FBXL7: variants seen among roughly 807,000 people sequenced by gnomAD.
FBXL7 encodes the protein F-box and leucine rich repeat protein 7, also known as F-box/LRR-repeat protein 7.
FBXL7 carries 12 observed loss-of-function variants against 38.3 expected under a neutral mutation model. The observed-to-expected ratio is 0.31, with a 90% CI of 0.20 to 0.51. The LOEUF is 0.51. Among genes scored for constraint, FBXL7 ranks in the 20% least tolerant of loss-of-function variants. The probability of loss-of-function intolerance (pLI) is 0.98; values close to 1 mark genes in which losing one functional copy is unlikely to be tolerated. For missense variants in FBXL7, 567 were observed against 676.4 expected (o/e 0.84, Z 1.79); for synonymous variants, 297 against 300.9 (o/e 0.99, Z 0.13).
intron 2 of FBXL7, among the ~76,000 whole-genome samples, chr5:15,792,089 G>A (rs952549530): frequency 3.9e-5 from 6 of 152,166 alleles, no homozygotes; most frequent in African/African-American, 7.2e-5. Context: ...GTGATGTTAT[G>A]ATAATGACCA....
At chr5:15,707,417 A>G (rs550780134) in intron 2 of FBXL7, among the ~76,000 whole-genome samples, 1 of 151,872 alleles carries the variant, frequency 6.6e-6, no homozygotes, top group Admixed American at 6.6e-5. Flanking sequence ...AAAGACCCCA[A>G]ATTTTTAAAC....
intron 2 of FBXL7, among the ~76,000 whole-genome samples, chr5:15,795,591 C>G (rs1737394747): frequency 6.6e-6 from 1 of 152,020 alleles, no homozygotes; most frequent in Non-Finnish European, 1.5e-5. Context: ...GAGAAAAAAG[C>G]CTTCTTTAAG....
intron 1 of FBXL7, among the ~76,000 whole-genome samples, chr5:15,592,305 C>T (rs972073850): frequency 5.3e-5 from 8 of 152,052 alleles, no homozygotes; most frequent in African/African-American, 1.7e-4. Context: ...GGAACAGCAG[C>T]AGCATGGAGA....
chr5:15,667,500 G>A (rs1475287056), intron 2 of FBXL7, among the ~76,000 whole-genome samples: 1 of 152,126 alleles, frequency 6.6e-6, no homozygotes, highest in African/African-American at 2.4e-5. Context: ...GTTAGGATGA[G>A]GATCACCCTA....
intron 2 of FBXL7, among the ~76,000 whole-genome samples, chr5:15,765,102 C>T (rs1208358343): frequency 6.6e-6 from 1 of 152,164 alleles, no homozygotes; most frequent in Non-Finnish European, 1.5e-5. Context: ...TTCAAAGTTA[C>T]TGTTCTCTAA....
chr5:15,588,332 A>T (rs945860723), intron 1 of FBXL7, among the ~76,000 whole-genome samples: 1 of 151,914 alleles, frequency 6.6e-6, no homozygotes, highest in Non-Finnish European at 1.5e-5. Flanking sequence ...TAAATCAGTG[A>T]CTTCACTCAT....
chr5:15,537,546 T>C (rs1016765748), intron 1 of FBXL7, among the ~76,000 whole-genome samples: 1 of 152,224 alleles, frequency 6.6e-6, no homozygotes, highest in Non-Finnish European at 1.5e-5. Context: ...CCCTGCAGGA[T>C]GGGGTTGGTG....
chr5:15,743,417 T>C (rs965753719), intron 2 of FBXL7, among the ~76,000 whole-genome samples: 36 of 152,216 alleles, frequency 2.4e-4, no homozygotes, highest in Non-Finnish European at 5.1e-4. Context: ...GTAAAAATGT[T>C]AAAGCTCCAA....
At chr5:15,710,166 T>C (rs1205070797) in intron 2 of FBXL7, among the ~76,000 whole-genome samples, 2 of 152,174 alleles carry the variant, frequency 1.3e-5, no homozygotes, top group Admixed American at 6.5e-5. Context: ...CAAAAACCCC[T>C]AGGGGTTCCC....
chr5:15,921,635 C>G (rs1316323935), intron 2 of FBXL7, among the ~76,000 whole-genome samples: 3 of 152,072 alleles, frequency 2.0e-5, no homozygotes, highest in Non-Finnish European at 2.9e-5. Flanking sequence ...ATAACTCATG[C>G]AACTCAATAG....
At chr5:15,591,811 A>G (rs1337884452) in intron 1 of FBXL7, among the ~76,000 whole-genome samples, 1 of 152,070 alleles carries the variant, frequency 6.6e-6, no homozygotes, top group Non-Finnish European at 1.5e-5. Context: ...CCCGGGTTCA[A>G]GCGATTCTTC....
intron 2 of FBXL7, among the ~76,000 whole-genome samples, chr5:15,912,379 C>T (rs1170395685): frequency 7.9e-5 from 11 of 139,010 alleles, no homozygotes; most frequent in South Asian, 5.0e-4. Flanking sequence ...CGCCCTGCTT[C>T]GGCTCGCGCA....
At chr5:15,735,528 A>G (rs1261018679) in intron 2 of FBXL7, among the ~76,000 whole-genome samples, 1 of 152,226 alleles carries the variant, frequency 6.6e-6, no homozygotes, top group African/African-American at 2.4e-5. Context: ...ATTTTTGACT[A>G]GAAAGGTAAT....
intron 2 of FBXL7, among the ~76,000 whole-genome samples, chr5:15,790,570 C>A (rs1737247470): frequency 6.6e-6 from 1 of 152,146 alleles, no homozygotes; most frequent in African/African-American, 2.4e-5. Context: ...GGACTGCGAA[C>A]CTAGTCATTG....
intron 2 of FBXL7, among the ~76,000 whole-genome samples, chr5:15,927,289 G>A (rs1741900257): frequency 6.6e-6 from 1 of 152,160 alleles, no homozygotes; most frequent in Non-Finnish European, 1.5e-5. Flanking sequence ...CAAAGCCTCA[G>A]TATTTAATAT....
intron 2 of FBXL7, among the ~76,000 whole-genome samples, chr5:15,644,313 A>AG (rs1236839927): frequency 2.9e-5 from 3 of 104,194 alleles, no homozygotes; most frequent in African/African-American, 1.0e-4. Context: ...CCAAAAAAAA[A>AG]AAAAAAAAAA....
intron 1 of FBXL7, among the ~76,000 whole-genome samples, chr5:15,554,147 C>T (rs1738165582): frequency 6.6e-6 from 1 of 152,168 alleles, no homozygotes; most frequent in Non-Finnish European, 1.5e-5. Flanking sequence ...CTGAGGGGGC[C>T]AGAGCCTCCT....
chr5:15,523,611 C>T (rs1304465750), intron 1 of FBXL7, among the ~76,000 whole-genome samples: 1 of 151,902 alleles, frequency 6.6e-6, no homozygotes, highest in Non-Finnish European at 1.5e-5. Flanking sequence ...CCGGATTTCA[C>T]GTGGGGCTCC....
chr5:15,918,734 C>T (rs1040524551), intron 2 of FBXL7, among the ~76,000 whole-genome samples: 1 of 152,182 alleles, frequency 6.6e-6, no homozygotes, highest in Non-Finnish European at 1.5e-5. Context: ...CAATGCTACC[C>T]TTATCAGACT....
Sources: allele counts gnomAD v4.1 joint callset (sites outside exome capture counted in the v4.1 genomes callset), GRCh38; gene constraint gnomAD v4.1.1; transcripts MANE v1.5; gene names NCBI Gene and HGNC (gene_info 2026-07-23, HGNC 2026-07-21).